PLSCR2: variants seen among roughly 807,000 people sequenced by gnomAD.
The protein encoded by PLSCR2 is phospholipid scramblase 2.
In PLSCR2, 18 loss-of-function variants were observed where a neutral mutation model predicts 25.3. That is an observed-to-expected ratio of 0.71 (90% CI 0.49 to 1.06). PLSCR2 has a LOEUF of 1.06. Among genes scored for constraint, PLSCR2 ranks in the 50% least tolerant of loss-of-function variants. PLSCR2 has a pLI of 0.00. For missense variants in PLSCR2, 243 were observed against 269.5 expected (o/e 0.90, Z 0.69); for synonymous variants, 88 against 87.3 (o/e 1.01, Z -0.04).
rs148293585 is a variant in PLSCR2 at position 146,473,495 on chromosome 3, G to A, written c.-292-13211C>T. Among the ~76,000 whole-genome samples the A allele has an allele frequency of 4.3e-4, 65 of 151,922 alleles. 1 individual carries two copies. In the East Asian group the frequency reaches 0.013, roughly 30 times the overall value. On this transcript the variant is annotated intron_variant, in intron 1 of 8. Coordinates refer to the PLSCR2 transcript ENST00000336685. The stretch of plus-strand genomic sequence containing the variant: ...TAATTTTTGTATTTTTAGTAGAGAT[G>A]GGGTTTCGCCATGTTGGTCAGGCTG...
chr3:146,396,134 T>A (rs555501150), intron 2 of PLSCR2, among the ~76,000 whole-genome samples: 26 of 152,294 alleles, frequency 1.7e-4, no homozygotes, highest in African/African-American at 6.3e-4. Context: ...ATACAACTGA[T>A]TATATCTATT....
intron 2 of PLSCR2, among the ~76,000 whole-genome samples, chr3:146,410,343 CAA>C (rs776871403): frequency 1.2e-4 from 19 of 152,128 alleles, no homozygotes; most frequent in Non-Finnish European, 1.6e-4. Context: ...TACAGAATGA[CAA>C]AAGAGGTGAG....
chr3:146,429,656 C>T (rs896296995), downstream of PLSCR2, among the ~76,000 whole-genome samples: 5 of 151,962 alleles, frequency 3.3e-5, no homozygotes, highest in East Asian at 1.9e-4. Flanking sequence ...GATGGAGTCT[C>T]GCTCTTTCAC....
intron 1 of PLSCR2, chr3:146,494,445 A>C (rs1427325120): frequency 6.6e-6 from 1 of 152,142 alleles, no homozygotes; most frequent in Non-Finnish European, 1.5e-5. Flanking sequence ...TATACAGTGC[A>C]TATGTGTATA....
At chr3:146,494,766 A>G (rs1479394723) in intron 1 of PLSCR2, 1 of 152,202 alleles carries the variant, frequency 6.6e-6, no homozygotes. Flanking sequence ...GAAGTCTTAG[A>G]AGGAATATGA....
intron 2 of PLSCR2, among the ~76,000 whole-genome samples, chr3:146,424,062 A>G (rs568810606): frequency 1.3e-5 from 2 of 151,854 alleles, no homozygotes; most frequent in South Asian, 4.1e-4. Context: ...GCAGCAAACC[A>G]CCATGGCACG....
chr3:146,416,825 A>G (rs1374253922), intron 2 of PLSCR2, among the ~76,000 whole-genome samples: 2 of 152,190 alleles, frequency 1.3e-5, no homozygotes, highest in Admixed American at 6.5e-5. Context: ...CCAAAAAGGA[A>G]TTTTAGGAGT....
upstream of PLSCR2, among the ~76,000 whole-genome samples, chr3:146,460,798 C>T (rs2041530192): frequency 2.0e-5 from 3 of 152,170 alleles, no homozygotes; most frequent in South Asian, 6.2e-4. Context: ...GTCGTCCCTC[C>T]TAGTACTTTT....
At chr3:146,455,653 A>G (rs1216239518) in intron 3 of PLSCR2, among the ~76,000 whole-genome samples, 194 bp from the exon 4 acceptor site, 2 of 152,196 alleles carry the variant, frequency 1.3e-5, no homozygotes, top group East Asian at 3.8e-4. Context: ...GCATGGAGAA[A>G]TTGATTCCTT....
intron 6 of PLSCR2, among the ~76,000 whole-genome samples, chr3:146,443,267 G>T (rs1387890132): frequency 6.6e-6 from 1 of 151,948 alleles, no homozygotes; most frequent in African/African-American, 2.4e-5. Context: ...TGGTATCAGA[G>T]AAATACTGGC....
At chr3:146,490,296 G>T (rs1352638409) in intron 1 of PLSCR2, among the ~76,000 whole-genome samples, 1 of 152,094 alleles carries the variant, frequency 6.6e-6, no homozygotes, top group Non-Finnish European at 1.5e-5. Flanking sequence ...AGCTCTCAAG[G>T]CCTGAGAATA....
downstream of PLSCR2, among the ~76,000 whole-genome samples, chr3:146,429,633 A>G (rs552168559): frequency 2.7e-5 from 4 of 149,456 alleles, no homozygotes; most frequent in Non-Finnish European, 5.9e-5. Flanking sequence ...TTATTTATTT[A>G]TTTTTTTTTT....
chr3:146,407,273 G>A (rs763968526), intron 2 of PLSCR2, among the ~76,000 whole-genome samples: 4 of 152,156 alleles, frequency 2.6e-5, no homozygotes, highest in Non-Finnish European at 5.9e-5. Context: ...TCTATTATCA[G>A]ACCTTATGGT....
chr3:146,440,099 G>T (rs535168035), downstream of PLSCR2, among the ~76,000 whole-genome samples: 2 of 152,178 alleles, frequency 1.3e-5, no homozygotes, highest in African/African-American at 4.8e-5. Flanking sequence ...AAATATTGCA[G>T]AACGGCAAAT....
At chr3:146,402,189 CTTA>C (rs1213466766) in intron 2 of PLSCR2, among the ~76,000 whole-genome samples, 2 of 151,988 alleles carry the variant, frequency 1.3e-5, no homozygotes, top group Admixed American at 6.6e-5. Flanking sequence ...AGAGGCAATA[CTTA>C]TTATCCCCTA....
At chr3:146,454,106 G>A (rs1221654011) in exon 5 of PLSCR2, 7 of 1,609,340 alleles carry the variant, frequency 4.3e-6, no homozygotes, top group Non-Finnish European at 5.9e-6. Flanking sequence ...GTTAGACATG[G>A]GTGCCAGGTC....
intron 6 of PLSCR2, among the ~76,000 whole-genome samples, chr3:146,442,978 C>A (rs1367250766): frequency 6.6e-6 from 1 of 152,016 alleles, no homozygotes; most frequent in East Asian, 1.9e-4. Flanking sequence ...AGTTAACAAG[C>A]TTTTGCACAG....
At chr3:146,417,497 G>A (rs1308784461) in intron 2 of PLSCR2, among the ~76,000 whole-genome samples, 1 of 152,148 alleles carries the variant, frequency 6.6e-6, no homozygotes, top group Non-Finnish European at 1.5e-5. Flanking sequence ...AATAAGAGAT[G>A]AGGTAAAGAG....
At chr3:146,494,942 C>T (rs180676539) in intron 1 of PLSCR2, 2 of 152,144 alleles carry the variant, frequency 1.3e-5, no homozygotes, top group East Asian at 1.9e-4. Context: ...AACTCTGATC[C>T]CAGTTTTATG....
Sources: gnomAD v4.1 joint callset for allele counts (sites outside exome capture counted in the v4.1 genomes callset) on GRCh38, gnomAD v4.1.1 for gene constraint, MANE v1.5 for transcripts, NCBI Gene and HGNC (gene_info 2026-07-23, HGNC 2026-07-21) for gene names.